ANKHD1: variants seen among roughly 807,000 people sequenced by gnomAD.
ANKHD1 encodes ankyrin repeat and KH domain containing 1.
In ANKHD1, 31 loss-of-function variants were observed where a neutral mutation model predicts 230.5. The ratio of observed to expected loss-of-function variants is 0.13; its 90% CI spans 0.10 to 0.18. The LOEUF is 0.18. Among genes scored for constraint, ANKHD1 ranks in the 10% least tolerant of loss-of-function variants. ANKHD1 has a pLI of 1.00. For missense variants in ANKHD1, 2,256 were observed against 3,071.3 expected, an observed-to-expected ratio of 0.73 and a Z score of 6.27; for synonymous variants, 1,074 against 1,117.6, an observed-to-expected ratio of 0.96 and a Z score of 0.78.
chr5:140,408,151 T>G (rs1770628381), intron 1 of ANKHD1, among the ~76,000 whole-genome samples: 1 of 152,104 alleles, frequency 6.6e-6, no homozygotes, highest in African/African-American at 2.4e-5. Flanking sequence ...CACTCCAGTC[T>G]GGGTAACAGA....
At position 140,477,818 on chromosome 5, in the gene ANKHD1, G is replaced by A. The variant is rs147593580; in HGVS notation, c.1783-4762G>A. On this transcript the variant is annotated intron_variant, in intron 10 of 33. Transcript: ENST00000360839. ...GTAGAGATGGGGTTTCACCATGTTG[G>A]GCAGGCTGGTCTTGAACTCGTGACC... Among the ~76,000 whole-genome samples the A allele has an allele frequency of 8.0e-3, 1,217 of 152,132 alleles. 3 individuals carry two copies. The highest frequency in any genetic ancestry group is 0.013 in the Non-Finnish European group (858 of 67,982).
intron 1 of ANKHD1, among the ~76,000 whole-genome samples, chr5:140,435,814 C>T (rs1055852110): frequency 6.6e-6 from 1 of 152,076 alleles, no homozygotes; most frequent in Non-Finnish European, 1.5e-5. Flanking sequence ...GGATCACAGG[C>T]GTGGGCCACT....
At chr5:140,515,659 C>A (rs1752968417) in intron 24 of ANKHD1, among the ~76,000 whole-genome samples, 1 of 152,238 alleles carries the variant, frequency 6.6e-6, no homozygotes, top group Admixed American at 6.5e-5. Flanking sequence ...AGCAGCCTAA[C>A]TGGGGGGCAC....
intron 10 of ANKHD1, among the ~76,000 whole-genome samples, chr5:140,470,868 C>T (rs922229508): frequency 1.1e-4 from 16 of 152,042 alleles, no homozygotes; most frequent in African/African-American, 3.6e-4. Flanking sequence ...CTCAAGCGAT[C>T]TACCCACCTT....
rs1751547049 is a variant in ANKHD1, at chr5:140,487,166, T to C, written c.2245+106T>C. ...GAGTTACTGTGTACCCATGGCTAAT[T>C]GAGGTAGATAATTCTGACAAATGCA... is the stretch of plus-strand genomic sequence containing the variant. On this transcript the variant is annotated intron_variant, in intron 14 of 33. Coordinates refer to ENST00000360839, the MANE Select transcript of ANKHD1 (RefSeq NM_017747.3). 18 of 1,182,970 alleles carry C rather than the reference T, an allele frequency of 1.5e-5. No individual in the cohort carries two copies. The South Asian group carries it at 2.6e-4, about 17-fold the overall frequency. The allele number at this position is 1,182,970 out of a possible 1,614,324, so 73.3% of individuals were successfully genotyped here.
At chr5:140,458,905 G>C in intron 8 of ANKHD1, 43 bp downstream of exon 8, 1 of 1,479,476 alleles carries the variant, frequency 6.8e-7, no homozygotes, top group Non-Finnish European at 9.1e-7. Context: ...GTTTTCTTTG[G>C]ATGTTTTGTG....
chr5:140,452,444 G>T (rs907716792), intron 7 of ANKHD1, among the ~76,000 whole-genome samples: 7 of 152,190 alleles, frequency 4.6e-5, no homozygotes, highest in Non-Finnish European at 1.0e-4. Flanking sequence ...CCTGACCCCT[G>T]AGTAGCCTAA....
At chr5:140,406,593 C>T (rs1314761751) in intron 1 of ANKHD1, among the ~76,000 whole-genome samples, 2 of 147,126 alleles carry the variant, frequency 1.4e-5, no homozygotes, top group African/African-American at 2.5e-5. Flanking sequence ...GGAGTCTTGT[C>T]GCCCAGGCTG....
At chr5:140,457,230 A>G (rs1346617406) in intron 7 of ANKHD1, among the ~76,000 whole-genome samples, 10 of 152,240 alleles carry the variant, frequency 6.6e-5, no homozygotes, top group Admixed American at 4.6e-4. Context: ...ATGTGGAGAA[A>G]TAGGAACACT....
chr5:140,478,932 C>T (rs745899036), intron 10 of ANKHD1, among the ~76,000 whole-genome samples: 1 of 151,996 alleles, frequency 6.6e-6, no homozygotes, highest in Non-Finnish European at 1.5e-5. Flanking sequence ...GCATGAGCCA[C>T]TGAGCCTGGC....
chr5:140,537,338 G>A, intron 30 of ANKHD1, 51 bp from the exon 31 acceptor site: 2 of 1,568,392 alleles, frequency 1.3e-6, no homozygotes, highest in African/African-American at 1.4e-5. Flanking sequence ...TTGCCACCAG[G>A]TGACTCTCCT....
chr5:140,421,043 G>C (rs1771934096), intron 1 of ANKHD1, among the ~76,000 whole-genome samples: 1 of 152,142 alleles, frequency 6.6e-6, no homozygotes, highest in South Asian at 2.1e-4. Flanking sequence ...CAGACTGCTA[G>C]GAGAACAAGT....
chr5:140,467,626 A>C (rs1342954113), intron 10 of ANKHD1, among the ~76,000 whole-genome samples: 1 of 152,178 alleles, frequency 6.6e-6, no homozygotes, highest in Non-Finnish European at 1.5e-5. Flanking sequence ...AAAATGTGGA[A>C]AGTATGGGAA....
At chr5:140,470,148 T>A (rs1247571850) in intron 10 of ANKHD1, among the ~76,000 whole-genome samples, 1 of 152,100 alleles carries the variant, frequency 6.6e-6, no homozygotes, top group Admixed American at 6.5e-5. Context: ...GACTATTCTG[T>A]ATTATATGTA....
chr5:140,480,006 A>G (rs1751199226), intron 10 of ANKHD1, among the ~76,000 whole-genome samples: 1 of 151,758 alleles, frequency 6.6e-6, no homozygotes. Flanking sequence ...TGCTTCTTGC[A>G]CAGCAGGGCT....
At chr5:140,456,293 A>T (rs1472916863) in intron 7 of ANKHD1, among the ~76,000 whole-genome samples, 1 of 152,222 alleles carries the variant, frequency 6.6e-6, no homozygotes, top group Non-Finnish European at 1.5e-5. Context: ...GCCCAAAGTA[A>T]TTTATAGATT....
chr5:140,436,046 T>G (rs1366200665), intron 1 of ANKHD1, 58 bp from the exon 2 acceptor site: 1 of 1,380,718 alleles, frequency 7.2e-7, no homozygotes, highest in African/African-American at 1.5e-5. Flanking sequence ...TAAATTGTAG[T>G]TATTCTAATC....
Position 140,485,508 on chromosome 5 carries a change from A to T in ANKHD1, c.1999-81A>T. 1 of 1,567,642 alleles carries T rather than the reference A, an allele frequency of 6.4e-7. No homozygotes were observed. The highest frequency in any genetic ancestry group is 8.6e-7 in the Non-Finnish European group (1 of 1,158,642). ...GATCTATCTTAGTGCTTAGTATTTAATACTGTTTAAATGAGTTTTGATTTT... is the reference window on the plus strand; with the variant it reads ...GATCTATCTTAGTGCTTAGTATTTATTACTGTTTAAATGAGTTTTGATTTT... On this transcript the variant is annotated intron_variant, in intron 12 of 33. Transcript: ENST00000360839. This position sits in a 1 kb window ranked among gnomAD's most constrained non-coding sequence, Gnocchi z 4.8.
In ANKHD1 at chr5:140,509,810, T is replaced by C. The variant is rs1752682866; in HGVS notation, c.3939T>C (p.His1313=). The C allele has an allele frequency of 2.5e-6, 4 of 1,609,436 alleles. No individual in the cohort carries two copies. Among genetic ancestry groups the C allele is most frequent in the East Asian group, 2.2e-5 (1 of 44,866 alleles). ...GHYKFCELLI[H]RGAHIDVRNK... ...ACAAATTTTGTGAACTCCTGATTCA[T>C]AGGTGAGTACTTTTCTATTATATGT... Residue 1313 remains histidine (H), a splice_region_variant and synonymous_variant, in exon 21 of 34, where the codon CAT becomes CAC. Coordinates refer to ENST00000360839, the MANE Select transcript of ANKHD1 (RefSeq NM_017747.3).
Sources: allele counts gnomAD v4.1 joint callset (sites outside exome capture counted in the v4.1 genomes callset), GRCh38; gene constraint gnomAD v4.1.1; non-coding constraint Gnocchi (gnomAD v3.1); transcripts MANE v1.5; gene names NCBI Gene and HGNC (gene_info 2026-07-23, HGNC 2026-07-21).